The following ASIC2 variants were observed in gnomAD, a reference collection of about 807,000 sequenced individuals.
ASIC2 encodes the protein acid-sensing ion channel 2.
ASIC2 carries 25 observed loss-of-function variants against 57.3 expected under a neutral mutation model. The observed-to-expected ratio is 0.44, with a 90% CI of 0.32 to 0.61. The LOEUF is 0.61. Among genes scored for constraint, ASIC2 ranks in the 20% least tolerant of loss-of-function variants. The pLI, the probability that ASIC2 is intolerant of heterozygous loss-of-function variation, is 0.06. For synonymous variants in ASIC2, 319 were observed against 307.5 expected, an observed-to-expected ratio of 1.04 and a Z score of -0.39; for missense variants, 641 against 738.1, an observed-to-expected ratio of 0.87 and a Z score of 1.52.
intron 1 of ASIC2, among the ~76,000 whole-genome samples, chr17:33,465,099 GAT>G (rs141790568): frequency 0.22 from 33,052 of 152,026 alleles, 3,699 homozygotes; most frequent in Non-Finnish European, 0.24. Flanking sequence ...ACAGTTCCTG[GAT>G]AACTTCAGGA....
At chr17:34,147,118 G>A (rs183725732) in intron 1 of ASIC2, 1 of 152,314 alleles carries the variant, frequency 6.6e-6, no homozygotes, top group Admixed American at 6.5e-5. Context: ...ATAAGTTAAA[G>A]TTTGAGTTTC....
At chr17:33,959,204 C>T (rs1904841093) in intron 1 of ASIC2, among the ~76,000 whole-genome samples, 2 of 152,298 alleles carry the variant, frequency 1.3e-5, no homozygotes, top group South Asian at 4.1e-4. Context: ...TCCAAACTTT[C>T]CCACATTTTC....
chr17:33,847,275 T>A (rs1913634995), intron 1 of ASIC2, among the ~76,000 whole-genome samples: 2 of 151,896 alleles, frequency 1.3e-5, no homozygotes, highest in African/African-American at 4.8e-5. Context: ...AGTTTTCTCT[T>A]CTGTCAAGTG....
intron 1 of ASIC2, among the ~76,000 whole-genome samples, chr17:33,261,035 T>C (rs1909260549): frequency 6.6e-6 from 1 of 152,236 alleles, no homozygotes; most frequent in African/African-American, 2.4e-5. Flanking sequence ...GCTCCTGATT[T>C]GACTGCAGAC....
chr17:33,735,765 A>G (rs1174898150), intron 1 of ASIC2, among the ~76,000 whole-genome samples: 1 of 152,066 alleles, frequency 6.6e-6, no homozygotes, highest in African/African-American at 2.4e-5. Context: ...GTGTGAATCA[A>G]TTCTAATGAT....
chr17:33,686,746 G>C (rs1426871856), intron 1 of ASIC2, among the ~76,000 whole-genome samples: 1 of 152,204 alleles, frequency 6.6e-6, no homozygotes, highest in Non-Finnish European at 1.5e-5. Flanking sequence ...GTGCATGTGA[G>C]AGTTTCTGTC....
At chr17:33,411,432 T>C (rs1910656588) in intron 1 of ASIC2, among the ~76,000 whole-genome samples, 1 of 152,190 alleles carries the variant, frequency 6.6e-6, no homozygotes, top group Non-Finnish European at 1.5e-5. Context: ...GTCAATCTGA[T>C]GTTAATTTAA....
intron 1 of ASIC2, among the ~76,000 whole-genome samples, chr17:33,918,487 T>G (rs988432273): frequency 2.6e-5 from 4 of 152,222 alleles, no homozygotes; most frequent in African/African-American, 9.6e-5. Context: ...CTAAAAAGGA[T>G]TCTTTGCCTG....
At position 34,038,375 on chromosome 17, in the gene ASIC2, T is replaced by C. The variant is rs1907972712; in HGVS notation, c.555+117603A>G. ...ATACAGCTTAACTATTCTGGGATGG[T>C]CCAGCTCTTTATGAATCCGGTATTC... On this transcript the variant is annotated intron_variant, in intron 1 of 9. Transcript: ENST00000359872. The C allele has an allele frequency of 4.3e-6, 7 of 1,611,566 alleles. No individual in the cohort carries two copies. The East Asian group carries it at 1.3e-4, about 31-fold the overall frequency.
At chr17:33,511,345 A>G (rs1465232370) in intron 1 of ASIC2, among the ~76,000 whole-genome samples, 1 of 151,924 alleles carries the variant, frequency 6.6e-6, no homozygotes, top group Non-Finnish European at 1.5e-5. Context: ...ACACACACCC[A>G]TGTTCTTGGA....
At chr17:33,924,407 G>A (rs1294992688) in intron 1 of ASIC2, among the ~76,000 whole-genome samples, 1 of 152,210 alleles carries the variant, frequency 6.6e-6, no homozygotes, top group Non-Finnish European at 1.5e-5. Context: ...TCCGCCAGGT[G>A]TGGCAGTAAC....
At chr17:33,053,982 G>A (rs965732717) in intron 3 of ASIC2, among the ~76,000 whole-genome samples, 2 of 152,068 alleles carry the variant, frequency 1.3e-5, no homozygotes, top group African/African-American at 2.4e-5. Flanking sequence ...CAGAATAAAT[G>A]CATCATCTCC....
chr17:33,612,694 A>G (rs1455958931), intron 1 of ASIC2, among the ~76,000 whole-genome samples: 3 of 152,192 alleles, frequency 2.0e-5, no homozygotes, highest in Non-Finnish European at 4.4e-5. Context: ...ACCCACTTAC[A>G]CAATGCCAGG....
chr17:33,120,028 C>T (rs1177074532), intron 1 of ASIC2, among the ~76,000 whole-genome samples: 1 of 152,226 alleles, frequency 6.6e-6, no homozygotes, highest in African/African-American at 2.4e-5. Context: ...TTCTTCCCAG[C>T]TTACAGCGAG....
At chr17:33,345,712 A>T (rs1857974967) in intron 1 of ASIC2, among the ~76,000 whole-genome samples, 1 of 152,220 alleles carries the variant, frequency 6.6e-6, no homozygotes, top group African/African-American at 2.4e-5. Context: ...GGGCATTATC[A>T]TTCCTGGGGA....
rs185480536 is a variant in ASIC2 at position 33,595,805 on chromosome 17, A to G, written c.556-483738T>C. 6.1e-3 allele frequency among the ~76,000 whole-genome samples: 932 copies of G among 152,304 alleles called. 7 individuals carry two copies. Among genetic ancestry groups the G allele is most frequent in the Non-Finnish European group, 0.011 (763 of 68,014 alleles). On this transcript the variant is annotated intron_variant, in intron 1 of 9. Transcript: ENST00000359872. ...GAATACTTGGGGTGGAATGACCCACAAAGGGGTTTAACTTCTTGGCCAGAG... is the reference window on the plus strand; with the variant it reads ...GAATACTTGGGGTGGAATGACCCACGAAGGGGTTTAACTTCTTGGCCAGAG...
At chr17:34,022,193 C>T (rs1236522206) in intron 1 of ASIC2, among the ~76,000 whole-genome samples, 1 of 152,082 alleles carries the variant, frequency 6.6e-6, no homozygotes, top group East Asian at 1.9e-4. Flanking sequence ...ACTAAGACTC[C>T]TCTCTACCTC....
chr17:33,288,727 C>CACACACACAA (rs1905295660), intron 1 of ASIC2, among the ~76,000 whole-genome samples: 2 of 92,156 alleles, frequency 2.2e-5, no homozygotes, highest in African/African-American at 8.1e-5. Flanking sequence ...CACACACACA[C>CACACACACAA]ACACACACAC....
intron 1 of ASIC2, among the ~76,000 whole-genome samples, chr17:33,149,823 C>T (rs1023259620): frequency 6.6e-6 from 1 of 151,966 alleles, no homozygotes; most frequent in Admixed American, 6.6e-5. Flanking sequence ...TTGTATTTTT[C>T]CCTTTTCCTT....
Sources: allele counts gnomAD v4.1 joint callset (sites outside exome capture counted in the v4.1 genomes callset), GRCh38; gene constraint gnomAD v4.1.1; transcripts MANE v1.5; gene names NCBI Gene and HGNC (gene_info 2026-07-23, HGNC 2026-07-21).